The following RBM25 variants were observed in gnomAD, a reference collection of about 807,000 sequenced individuals.
RBM25 encodes RNA-binding protein 25.
Under a neutral mutation model 120.7 loss-of-function variants are expected in RBM25, and 19 were observed. The ratio of observed to expected loss-of-function variants is 0.16; its 90% confidence interval spans 0.11 to 0.23. RBM25 has a LOEUF of 0.23. RBM25 is among the 10% of genes least tolerant of loss of function. The probability of loss-of-function intolerance (pLI) is 1.00; values close to 1 mark genes in which losing one functional copy is unlikely to be tolerated. For synonymous variants in RBM25, 390 were observed against 326.7 expected (o/e 1.19, Z -2.09); for missense variants, 605 against 1,041.5 (o/e 0.58, Z 5.77).
At chr14:73,112,483 A>C (rs1195042514) in intron 17 of RBM25, among the ~76,000 whole-genome samples, 1 of 151,602 alleles carries the variant, frequency 6.6e-6, no homozygotes, top group Non-Finnish European at 1.5e-5. Context: ...CCAACTTCAG[A>C]CTCCTCACAC....
chr14:73,119,929 G>C lies in RBM25; in HGVS notation c.*124G>C. The C allele has an allele frequency of 7.3e-7, 1 of 1,378,564 alleles. No individual in the cohort carries two copies. The highest frequency in any genetic ancestry group is 9.5e-7 in the Non-Finnish European group (1 of 1,056,680). The allele number at this position is 1,378,564 out of a possible 1,614,324, so 85.4% of individuals were successfully genotyped here. On this transcript the variant is annotated 3_prime_UTR_variant, in exon 19 of 19. Transcript: ENST00000261973. ...AATTTTTTTTTTTTGTAGAAAATGT[G>C]AATTTTTTGGTCCTCTAATTTGTTG...
chr14:73,060,750 T>C (rs1340499345), intron 1 of RBM25, among the ~76,000 whole-genome samples: 3 of 151,396 alleles, frequency 2.0e-5, no homozygotes, highest in Non-Finnish European at 4.4e-5. Context: ...AATTTCAGAT[T>C]TACAAAAAAA....
chr14:73,116,957 T>C (rs1307677767), intron 18 of RBM25, among the ~76,000 whole-genome samples: 1 of 152,142 alleles, frequency 6.6e-6, no homozygotes, highest in South Asian at 2.1e-4. Flanking sequence ...CTGAGTACTG[T>C]TTCACTCTTA....
At position 73,120,056 on chromosome 14, in the gene RBM25, T is replaced by C; in HGVS notation, c.*251T>C. 1 of 388,664 alleles carries C rather than the reference T, an allele frequency of 2.6e-6. No homozygotes were observed. The highest frequency in any genetic ancestry group is 4.5e-6 in the Non-Finnish European group (1 of 222,350). 24.1% of individuals were successfully genotyped at this position (388,664 alleles called of 1,614,324 possible). A position where few individuals can be genotyped will look rare whatever the true frequency, so the allele number is the denominator to read the frequency against. On this transcript the variant is annotated 3_prime_UTR_variant, in exon 19 of 19. Coordinates refer to ENST00000261973, the MANE Select transcript of RBM25 (RefSeq NM_021239.3). The stretch of plus-strand genomic sequence containing the variant: ...GGTATGTTTTATAAGCCGCAGCTAC[T>C]GTACACAGCCTATCTGATATAATCT...
Position 73,088,264 on chromosome 14 carries a change from A to G in RBM25, c.543+103A>G. On this transcript the variant is annotated intron_variant, in intron 6 of 18. Transcript: ENST00000261973. ...TAATATGGGGCTTCAAAAGATCATCATGTATGTGCTTGTGGCTTAATGTAG... is the reference window on the plus strand; with the variant it reads ...TAATATGGGGCTTCAAAAGATCATCGTGTATGTGCTTGTGGCTTAATGTAG... The G allele has an allele frequency of 3.5e-6, 5 of 1,417,226 alleles. No homozygotes were observed. In the South Asian group the frequency reaches 4.6e-5, roughly 13 times the overall value. The allele number at this position is 1,417,226 out of a possible 1,614,324, so 87.8% of individuals were successfully genotyped here. A position where few individuals can be genotyped will look rare whatever the true frequency, so the allele number is the denominator to read the frequency against.
intron 18 of RBM25, among the ~76,000 whole-genome samples, chr14:73,117,646 A>G (rs141080848): frequency 2.6e-5 from 4 of 152,310 alleles, no homozygotes; most frequent in Admixed American, 6.5e-5. Flanking sequence ...GTGTAGCTAC[A>G]TCGCCTCCAC....
At chr14:73,080,372 C>T (rs1157375349) in intron 4 of RBM25, among the ~76,000 whole-genome samples, 3 of 151,720 alleles carry the variant, frequency 2.0e-5, no homozygotes, top group South Asian at 2.1e-4. Context: ...TACAGGCGCC[C>T]GCCACCATGC....
At position 73,111,498 on chromosome 14, in the gene RBM25, C is replaced by A; in HGVS notation, c.2018-30C>A. ...AAAATGAAACATTTGGAAATTAAGTCATCTTGCTAAGAGAGTGTTTTTACT... is the reference window on the plus strand; with the variant it reads ...AAAATGAAACATTTGGAAATTAAGTAATCTTGCTAAGAGAGTGTTTTTACT... On this transcript the variant is annotated intron_variant, in intron 15 of 18. Coordinates refer to ENST00000261973, the MANE Select transcript of RBM25 (RefSeq NM_021239.3). The A allele has an allele frequency of 1.9e-6, 3 of 1,543,462 alleles. No homozygotes were observed. In the South Asian group the frequency reaches 3.8e-5, roughly 19 times the overall value.
At chr14:73,110,764 A>G in intron 14 of RBM25, 67 bp from the exon 15 acceptor site, 1 of 1,512,844 alleles carries the variant, frequency 6.6e-7, no homozygotes, top group Non-Finnish European at 8.9e-7. Flanking sequence ...ACAAGAGGTA[A>G]TGTAAAACAA....
At chr14:73,072,976 G>T (rs948544442) in intron 2 of RBM25, among the ~76,000 whole-genome samples, 4 of 152,068 alleles carry the variant, frequency 2.6e-5, no homozygotes, top group Non-Finnish European at 5.9e-5. Context: ...GCCCAGACTG[G>T]AGTACAGTGG....
chr14:73,078,304 A>G (rs1033002422), intron 4 of RBM25, among the ~76,000 whole-genome samples: 1 of 152,072 alleles, frequency 6.6e-6, no homozygotes, highest in Admixed American at 6.6e-5. Context: ...CTCCATCTCA[A>G]AAAAATAATG....
At chr14:73,089,101 A>G (rs959872190) in intron 6 of RBM25, among the ~76,000 whole-genome samples, 1 of 152,056 alleles carries the variant, frequency 6.6e-6, no homozygotes, top group Non-Finnish European at 1.5e-5. Flanking sequence ...GGATCTAGCC[A>G]TTGTACTCCA....
intron 1 of RBM25, among the ~76,000 whole-genome samples, chr14:73,064,614 C>A (rs1327725162): frequency 6.6e-6 from 1 of 151,116 alleles, no homozygotes; most frequent in African/African-American, 2.4e-5. Flanking sequence ...AGTCTGGCCT[C>A]GAACTCCTGA....
At chr14:73,102,038 T>G (rs1171090230) in intron 9 of RBM25, 2 of 152,224 alleles carry the variant, frequency 1.3e-5, no homozygotes, top group Non-Finnish European at 2.9e-5. Flanking sequence ...TAACCTGCTA[T>G]AAGTTCTCTG....
intron 1 of RBM25, among the ~76,000 whole-genome samples, chr14:73,065,426 C>A (rs1895106689): frequency 6.8e-6 from 1 of 147,800 alleles, no homozygotes; most frequent in African/African-American, 2.5e-5. Context: ...CTGTGCCCAG[C>A]TAATTTTTTT....
Position 73,105,994 on chromosome 14 carries a change from A to G in RBM25, c.1290A>G (p.Lys430=). 6.2e-7 allele frequency: 1 copy of G among 1,614,036 alleles called. No homozygotes were observed. Among genetic ancestry groups the G allele is most frequent in the Non-Finnish European group, 8.5e-7 (1 of 1,180,004 alleles). The change falls in exon 11 of 19, where the codon AAA becomes AAG. Residue 430 remains lysine, a synonymous_variant. Transcript: ENST00000261973. ...EREREREKDK[K]RDREEDEEDA... ...AGCGAGAAAGAGAAAAAGACAAAAAACGGGACCGAGAAGAAGATGAAGAAG... is the reference window on the plus strand; with the variant it reads ...AGCGAGAAAGAGAAAAAGACAAAAAGCGGGACCGAGAAGAAGATGAAGAAG...
intron 2 of RBM25, 34 bp downstream of exon 2, chr14:73,071,781 C>G (rs1895299318): frequency 1.3e-6 from 2 of 1,518,454 alleles, no homozygotes. Flanking sequence ...TGTCGTTAAA[C>G]TTGTACTTTT....
chr14:73,101,900 T>C (rs1006795227), intron 9 of RBM25: 2 of 152,378 alleles, frequency 1.3e-5, no homozygotes, highest in African/African-American at 4.8e-5. Context: ...TTCTGTCCTC[T>C]TTCTATCATA....
chr14:73,116,195 T>C (rs1391703347), intron 18 of RBM25, among the ~76,000 whole-genome samples: 2 of 152,128 alleles, frequency 1.3e-5, no homozygotes, highest in African/African-American at 4.8e-5. Flanking sequence ...GGAGGGTTTC[T>C]GTTAAGAGGA....
Sources: gnomAD v4.1 joint callset for allele counts (sites outside exome capture counted in the v4.1 genomes callset) on GRCh38, gnomAD v4.1.1 for gene constraint, MANE v1.5 for transcripts, NCBI Gene and HGNC (gene_info 2026-07-23, HGNC 2026-07-21) for gene names.